The following PDE8A variants were observed in gnomAD, a reference collection of about 807,000 sequenced individuals.
PDE8A encodes the protein high affinity cAMP-specific and IBMX-insensitive 3',5'-cyclic phosphodiesterase 8A.
PDE8A carries 59 observed loss-of-function variants against 105.0 expected under a neutral mutation model. The ratio of observed to expected loss-of-function variants is 0.56; its 90% CI spans 0.46 to 0.70. The LOEUF (loss-of-function observed/expected upper bound fraction) is 0.70. PDE8A is among the 30% of genes least tolerant of loss of function. PDE8A has a pLI of 0.00. For missense variants in PDE8A, 1,014 were observed against 1,045.9 expected, an observed-to-expected ratio of 0.97 and a Z score of 0.42; for synonymous variants, 355 against 371.9, an observed-to-expected ratio of 0.95 and a Z score of 0.52.
chr15:85,014,322 C>T (rs1398473983), intron 1 of PDE8A, among the ~76,000 whole-genome samples: 1 of 152,052 alleles, frequency 6.6e-6, no homozygotes, highest in African/African-American at 2.4e-5. Context: ...ACAGTCATCA[C>T]ATATTTCATT....
chr15:85,022,304 G>T (rs1468750384), intron 1 of PDE8A, among the ~76,000 whole-genome samples: 2 of 152,130 alleles, frequency 1.3e-5, no homozygotes, highest in Non-Finnish European at 2.9e-5. Context: ...TATCTGTTTG[G>T]ACAGGACCTG....
intron 8 of PDE8A, 69 bp from the exon 9 acceptor site, chr15:85,097,879 G>A: frequency 4.6e-6 from 4 of 866,726 alleles, no homozygotes; most frequent in Non-Finnish European, 7.7e-6. Context: ...AATCAGAACT[G>A]AAGTGGAAAA....
intron 1 of PDE8A, among the ~76,000 whole-genome samples, chr15:85,008,981 A>T (rs1433144786): frequency 6.6e-6 from 1 of 152,048 alleles, no homozygotes; most frequent in Non-Finnish European, 1.5e-5. Context: ...CTGTTCTGAC[A>T]CTGGGCCCAT....
At chr15:85,000,414 G>GT (rs1157904465) in intron 1 of PDE8A, among the ~76,000 whole-genome samples, 1 of 152,212 alleles carries the variant, frequency 6.6e-6, no homozygotes, top group African/African-American at 2.4e-5. Flanking sequence ...GGCCAAGAAT[G>GT]TTTCTGCAGT....
intron 5 of PDE8A, among the ~76,000 whole-genome samples, chr15:85,082,483 T>C (rs962856148): frequency 5.9e-5 from 9 of 152,216 alleles, no homozygotes; most frequent in African/African-American, 2.2e-4. Flanking sequence ...GTGCCTCATA[T>C]ACAATCATAC....
chr15:85,103,998 A>G (rs1196638584), intron 11 of PDE8A, among the ~76,000 whole-genome samples: 1 of 152,176 alleles, frequency 6.6e-6, no homozygotes, highest in Non-Finnish European at 1.5e-5. Flanking sequence ...ATGGGAAGGA[A>G]GGTTCAGGGT....
At chr15:85,100,557 T>TACC (rs2081844851) in intron 11 of PDE8A, among the ~76,000 whole-genome samples, 1 of 150,414 alleles carries the variant, frequency 6.6e-6, no homozygotes, top group Admixed American at 6.6e-5. Flanking sequence ...TCCTGACACT[T>TACC]ACCACTGCCA....
chr15:85,067,351 A>G (rs186490767), intron 3 of PDE8A, 147 bp downstream of exon 3: 93 of 541,682 alleles, frequency 1.7e-4, no homozygotes, highest in African/African-American at 1.7e-3. Flanking sequence ...CACTATTTAT[A>G]GGACTGATGC....
chr15:84,997,626 C>G (rs1030162765), intron 1 of PDE8A, among the ~76,000 whole-genome samples: 1 of 150,766 alleles, frequency 6.6e-6, no homozygotes, highest in African/African-American at 2.4e-5. Flanking sequence ...GAGTTTTGCT[C>G]TCGTTGCCCA....
chr15:85,104,118 A>G lies in PDE8A; in HGVS notation c.1036+3920A>G, dbSNP rs376863246. ...CTGAGGACACCAAATTGTAGTGACAACTGTCCAGTCTATTGACTTGTTCTA... is the reference window on the plus strand; with the variant it reads ...CTGAGGACACCAAATTGTAGTGACAGCTGTCCAGTCTATTGACTTGTTCTA... On this transcript the variant is annotated intron_variant, in intron 11 of 21. Coordinates refer to ENST00000394553, the MANE Select transcript of PDE8A (RefSeq NM_002605.3). Among the ~76,000 whole-genome samples, 7 of 152,232 alleles carry G rather than the reference A, an allele frequency of 4.6e-5. No individual in the cohort carries two copies. In the East Asian group the frequency reaches 9.6e-4, roughly 21 times the overall value.
chr15:85,006,593 G>T (rs970301405), intron 1 of PDE8A, among the ~76,000 whole-genome samples: 8 of 151,828 alleles, frequency 5.3e-5, no homozygotes, highest in African/African-American at 9.7e-5. Flanking sequence ...TTTTTATATT[G>T]TCTATTACTT....
chr15:84,987,348 C>T (rs1406320518), intron 1 of PDE8A, among the ~76,000 whole-genome samples: 41 of 152,036 alleles, frequency 2.7e-4, no homozygotes, highest in Non-Finnish European at 1.0e-4. Flanking sequence ...CTTTGACCCT[C>T]GCCTTGCTGA....
At position 85,037,204 on chromosome 15, in the gene PDE8A, T is replaced by C. The variant is rs981815793; in HGVS notation, c.187-27166T>C. 2.6e-5 allele frequency among the ~76,000 whole-genome samples: 4 copies of C among 152,102 alleles called. No homozygotes were observed. In the South Asian group the frequency reaches 8.3e-4, roughly 32 times the overall value. On this transcript the variant is annotated intron_variant, in intron 1 of 21. Coordinates refer to ENST00000394553, the MANE Select transcript of PDE8A (RefSeq NM_002605.3). Reference sequence around the variant, plus strand: ...CCTCAGCCTCCCAAGTAGCTGGGATTACAGGTGCCCACGACCACGCCCAGC... The same window carrying C: ...CCTCAGCCTCCCAAGTAGCTGGGATCACAGGTGCCCACGACCACGCCCAGC...
At chr15:85,067,846 C>T (rs549354620) in intron 3 of PDE8A, among the ~76,000 whole-genome samples, 7 of 152,170 alleles carry the variant, frequency 4.6e-5, no homozygotes, top group Admixed American at 1.3e-4. Flanking sequence ...TATGTGGTGA[C>T]GTCAACATGG....
chr15:85,086,583 C>A (rs1426189806), intron 6 of PDE8A, among the ~76,000 whole-genome samples: 2 of 152,020 alleles, frequency 1.3e-5, no homozygotes, highest in Admixed American at 6.6e-5. Flanking sequence ...AGATGTTCAA[C>A]CTCACTAATA....
intron 1 of PDE8A, among the ~76,000 whole-genome samples, chr15:85,025,985 G>A (rs777584585): frequency 6.6e-6 from 1 of 152,188 alleles, no homozygotes; most frequent in Non-Finnish European, 1.5e-5. Context: ...ATTTCAACTT[G>A]TATGAATATG....
intron 1 of PDE8A, among the ~76,000 whole-genome samples, chr15:85,010,122 G>A (rs1351227762): frequency 1.3e-5 from 2 of 152,312 alleles, no homozygotes; most frequent in East Asian, 3.9e-4. Context: ...AGGAAGGGGA[G>A]GGGTAGTGAT....
At chr15:85,078,747 G>C (rs2141489031) in intron 5 of PDE8A, among the ~76,000 whole-genome samples, 1 of 152,242 alleles carries the variant, frequency 6.6e-6, no homozygotes, top group East Asian at 1.9e-4. Context: ...ATTCCAGGTG[G>C]AAGGTCTGAA....
chr15:85,059,731 C>T (rs2081115388), intron 1 of PDE8A, among the ~76,000 whole-genome samples: 1 of 152,132 alleles, frequency 6.6e-6, no homozygotes, highest in Non-Finnish European at 1.5e-5. Context: ...GTCTTATAGA[C>T]CACATATAGA....
Sources: gnomAD v4.1 joint callset for allele counts (sites outside exome capture counted in the v4.1 genomes callset) on GRCh38, gnomAD v4.1.1 for gene constraint, MANE v1.5 for transcripts, NCBI Gene and HGNC (gene_info 2026-07-23, HGNC 2026-07-21) for gene names.